Variants in KCNH8 observed in about 807,000 individuals in gnomAD.
KCNH8 encodes voltage-gated delayed rectifier potassium channel KCNH8.
KCNH8 carries 70 observed loss-of-function variants against 103.6 expected under a neutral mutation model. The ratio of observed to expected loss-of-function variants is 0.68; its 90% confidence interval spans 0.56 to 0.82. The LOEUF (loss-of-function observed/expected upper bound fraction) is 0.82, where lower values mean the gene tolerates loss of function less well. Ranked by LOEUF, KCNH8 falls within the 40% of genes least tolerant of loss-of-function variation. KCNH8 has a pLI of 0.00. For missense variants in KCNH8, 1,217 were observed against 1,329.9 expected, an observed-to-expected ratio of 0.92 and a Z score of 1.32; for synonymous variants, 498 against 489.4, an observed-to-expected ratio of 1.02 and a Z score of -0.23.
intron 1 of KCNH8, among the ~76,000 whole-genome samples, chr3:19,154,387 A>G (rs2063160193): frequency 6.6e-6 from 1 of 152,128 alleles, no homozygotes; most frequent in South Asian, 2.1e-4. Flanking sequence ...CTTTAAACCC[A>G]CAGTTTTTGG....
At chr3:19,270,210 C>T (rs1575483954) in intron 2 of KCNH8, among the ~76,000 whole-genome samples, 2 of 152,080 alleles carry the variant, frequency 1.3e-5, no homozygotes, top group Non-Finnish European at 2.9e-5. Context: ...GTAGTTGAGA[C>T]AGAGACCATA....
chr3:19,524,832 A>C (rs2069035491), intron 15 of KCNH8, among the ~76,000 whole-genome samples: 1 of 151,904 alleles, frequency 6.6e-6, no homozygotes, highest in Non-Finnish European at 1.5e-5. Context: ...TTTACAAAGA[A>C]GTTAGTAGAG....
intron 11 of KCNH8, among the ~76,000 whole-genome samples, chr3:19,503,837 G>A (rs578069133): frequency 6.6e-6 from 1 of 151,880 alleles, no homozygotes; most frequent in South Asian, 2.1e-4. Flanking sequence ...TAGATGACGA[G>A]TTAGTGGGTG....
intron 6 of KCNH8, chr3:19,391,816 G>A (rs760201685): frequency 2.0e-5 from 3 of 151,852 alleles, no homozygotes; most frequent in Non-Finnish European, 4.4e-5. Flanking sequence ...TTTCTACAGT[G>A]CTTTTTAAGA....
At chr3:19,440,872 A>T (rs2067273284) in intron 8 of KCNH8, among the ~76,000 whole-genome samples, 1 of 152,182 alleles carries the variant, frequency 6.6e-6, no homozygotes, top group Non-Finnish European at 1.5e-5. Flanking sequence ...TATTTCATAT[A>T]ACAAACAGAC....
chr3:19,512,597 A>C (rs1431380536), intron 12 of KCNH8, among the ~76,000 whole-genome samples: 3 of 152,194 alleles, frequency 2.0e-5, no homozygotes, highest in African/African-American at 7.2e-5. Context: ...TTAAAATGGA[A>C]AATGTCTTTA....
intron 1 of KCNH8, among the ~76,000 whole-genome samples, chr3:19,216,381 C>T (rs373471117): frequency 4.8e-4 from 73 of 152,264 alleles, no homozygotes; most frequent in African/African-American, 1.7e-3. Flanking sequence ...TAACTTTGGA[C>T]GAAATTCAAG....
At chr3:19,475,201 T>G (rs2067946710) in intron 11 of KCNH8, among the ~76,000 whole-genome samples, 1 of 152,172 alleles carries the variant, frequency 6.6e-6, no homozygotes, top group South Asian at 2.1e-4. Context: ...TTTTGCTAAA[T>G]GAAAATAATA....
intron 1 of KCNH8, among the ~76,000 whole-genome samples, chr3:19,174,856 G>C (rs890736869): frequency 2.6e-5 from 4 of 152,246 alleles, no homozygotes; most frequent in African/African-American, 9.6e-5. Context: ...TTCAGAAAAG[G>C]AATATTTGAG....
chr3:19,384,153 G>A (rs2066325147), intron 5 of KCNH8, among the ~76,000 whole-genome samples: 1 of 152,188 alleles, frequency 6.6e-6, no homozygotes, highest in East Asian at 1.9e-4. Context: ...TAGACAATAA[G>A]TGGGGAATAT....
Position 19,504,995 on chromosome 3 carries a change from A to C in KCNH8, c.2041-5368A>C, listed in dbSNP as rs181813111. The stretch of plus-strand genomic sequence containing the variant: ...TATATATATATATACACATATATAT[A>C]TCTCTCTCACATTCATATAATATAT... On this transcript the variant is annotated intron_variant, in intron 11 of 15. Transcript: ENST00000328405. Among the ~76,000 whole-genome samples, 559 of 151,200 alleles carry C rather than the reference A, an allele frequency of 3.7e-3. 3 individuals carry two copies. Among genetic ancestry groups the C allele is most frequent in the African/African-American group, 0.012 (507 of 41,220 alleles).
At chr3:19,445,441 A>G (rs1040813412) in intron 8 of KCNH8, among the ~76,000 whole-genome samples, 1 of 151,994 alleles carries the variant, frequency 6.6e-6, no homozygotes, top group African/African-American at 2.4e-5. Flanking sequence ...AAAAATCTCA[A>G]TGAGCTTCAC....
At chr3:19,189,644 A>G (rs1313966287) in intron 1 of KCNH8, among the ~76,000 whole-genome samples, 5 of 152,038 alleles carry the variant, frequency 3.3e-5, no homozygotes, top group African/African-American at 4.8e-5. Flanking sequence ...TAGCATACCA[A>G]ATCTGACCTA....
At chr3:19,483,937 A>T (rs1442653537) in intron 11 of KCNH8, among the ~76,000 whole-genome samples, 2 of 152,060 alleles carry the variant, frequency 1.3e-5, no homozygotes, top group Non-Finnish European at 2.9e-5. Flanking sequence ...ATGACACAAG[A>T]CCAGTATTTA....
chr3:19,257,920 G>C (rs2064367129), intron 2 of KCNH8, among the ~76,000 whole-genome samples: 1 of 152,000 alleles, frequency 6.6e-6, no homozygotes, highest in Admixed American at 6.6e-5. Context: ...TTTGCTGCTG[G>C]TGGTTTGCTG....
chr3:19,358,182 T>G (rs1478637663), intron 5 of KCNH8, among the ~76,000 whole-genome samples: 8 of 151,196 alleles, frequency 5.3e-5, no homozygotes, highest in African/African-American at 1.2e-4. Context: ...TCTTCCTTCC[T>G]TCCTTCCTTC....
intron 11 of KCNH8, among the ~76,000 whole-genome samples, chr3:19,488,359 C>T (rs892395745): frequency 4.6e-5 from 7 of 152,204 alleles, no homozygotes; most frequent in South Asian, 4.1e-4. Context: ...GCTTTCTCAG[C>T]GGCTTGTTGC....
In KCNH8 at chr3:19,393,770, C is replaced by T. The variant is rs1409810991; in HGVS notation, c.970-1334C>T. ...AATGACAAAAAGAAATAAAAGAGCACAGCTAGCTGTCAAGTTCTTCAAGCG... is the reference window on the plus strand; with the variant it reads ...AATGACAAAAAGAAATAAAAGAGCATAGCTAGCTGTCAAGTTCTTCAAGCG... On this transcript the variant is annotated intron_variant, in intron 6 of 15. Coordinates refer to ENST00000328405, the MANE Select transcript of KCNH8 (RefSeq NM_144633.3). Among the ~76,000 whole-genome samples the T allele has an allele frequency of 3.3e-5, 5 of 152,112 alleles. No individual in the cohort carries two copies. In the East Asian group the frequency reaches 9.7e-4, roughly 29 times the overall value.
rs139952502 is a variant in KCNH8, at chr3:19,156,982, T to TA, written c.76+8195dup. On this transcript the variant is annotated intron_variant, in intron 1 of 15. Coordinates refer to ENST00000328405, the MANE Select transcript of KCNH8 (RefSeq NM_144633.3). ...TCTATAAAGCTTTTTTTTTTTTTTT[T>TA]AAAAAAAAGGTTTTCTTTTGTTCTA... Among the ~76,000 whole-genome samples, 220 of 149,862 alleles carry TA rather than the reference T, an allele frequency of 1.5e-3. 1 individual carries two copies. The highest frequency in any genetic ancestry group is 5.9e-3 in the South Asian group (28 of 4,744).
Sources: gnomAD v4.1 joint callset for allele counts (sites outside exome capture counted in the v4.1 genomes callset) on GRCh38, gnomAD v4.1.1 for gene constraint, MANE v1.5 for transcripts, NCBI Gene and HGNC (gene_info 2026-07-23, HGNC 2026-07-21) for gene names.